FUBP3: variants seen among roughly 807,000 people sequenced by gnomAD.
FUBP3 encodes far upstream element binding protein 3.
In FUBP3, 28 loss-of-function variants were observed where a neutral mutation model predicts 85.6. That is an observed-to-expected ratio of 0.33 (90% CI 0.24 to 0.45). The LOEUF is 0.45. FUBP3 is among the 20% of genes least tolerant of loss of function. FUBP3 has a pLI of 1.00. For synonymous variants in FUBP3, 271 were observed against 271.4 expected, an observed-to-expected ratio of 1.00 and a Z score of 0.01; for missense variants, 583 against 755.1, an observed-to-expected ratio of 0.77 and a Z score of 2.67.
chr9:130,608,176 A>G (rs567074782), intron 2 of FUBP3, among the ~76,000 whole-genome samples: 3 of 152,242 alleles, frequency 2.0e-5, no homozygotes, highest in South Asian at 2.1e-4. Flanking sequence ...GCCCTTTGAC[A>G]TCCTTTACCA....
In FUBP3 at chr9:130,619,091, G is replaced by A. The variant is rs148764073; in HGVS notation, c.666+1196G>A. On this transcript the variant is annotated intron_variant, in intron 8 of 18. Coordinates refer to ENST00000319725, the MANE Select transcript of FUBP3 (RefSeq NM_003934.2). Reference sequence around the variant, plus strand: ...CCGTGGGCTCCAGTACTGTGATGGTGTTGGATCCAGGCCTGTGGGCGGCCA... The same window carrying A: ...CCGTGGGCTCCAGTACTGTGATGGTATTGGATCCAGGCCTGTGGGCGGCCA... Among the ~76,000 whole-genome samples, 501 of 152,336 alleles carry A rather than the reference G, an allele frequency of 3.3e-3. 2 individuals carry two copies. Among genetic ancestry groups the A allele is most frequent in the African/African-American group, 0.011 (476 of 41,586 alleles).
rs137970644 is a variant in FUBP3, at chr9:130,596,378, T to A, written c.190+790T>A. On this transcript the variant is annotated intron_variant, in intron 2 of 18. Transcript: ENST00000319725. ...TTTATGTTTGTACATATTTCTGTGA[T>A]GTATTATTATGTGAAAAATGAAGAT... Among the ~76,000 whole-genome samples, 5 of 152,342 alleles carry A rather than the reference T, an allele frequency of 3.3e-5. No homozygotes were observed. In the East Asian group the frequency reaches 9.6e-4, roughly 29 times the overall value.
chr9:130,584,061 A>G (rs1830241638), intron 1 of FUBP3, among the ~76,000 whole-genome samples: 1 of 152,066 alleles, frequency 6.6e-6, no homozygotes, highest in Admixed American at 6.5e-5. Context: ...TTAAAATCTG[A>G]TAGCCCATGT....
At chr9:130,636,357 C>T in intron 18 of FUBP3, 1 of 632,512 alleles carries the variant, frequency 1.6e-6, no homozygotes, top group East Asian at 2.8e-5. Context: ...GGGCGCAGCC[C>T]CTACAAGGAA....
chr9:130,615,691 G>A (rs932885819), intron 6 of FUBP3, among the ~76,000 whole-genome samples: 43 of 152,176 alleles, frequency 2.8e-4, no homozygotes, highest in East Asian at 1.9e-4. Flanking sequence ...CACGTGACAC[G>A]CAGGGTCCCA....
In FUBP3 at chr9:130,616,350, C is replaced by T. The variant is rs2119081116; in HGVS notation, c.405-5C>T. 6.2e-7 allele frequency: 1 copy of T among 1,613,918 alleles called. No homozygotes were observed. Among genetic ancestry groups the T allele is most frequent in the East Asian group, 2.2e-5 (1 of 44,870 alleles). Reference sequence around the variant, plus strand: ...GTTCTCTTGTGGTTCTTTTCCCTCCCAAAGACAAGCCAAACGGCTCCTGGG... The same window carrying T: ...GTTCTCTTGTGGTTCTTTTCCCTCCTAAAGACAAGCCAAACGGCTCCTGGG... On this transcript the variant is annotated splice_region_variant and splice_polypyrimidine_tract_variant and intron_variant, in intron 6 of 18. Coordinates refer to ENST00000319725, the MANE Select transcript of FUBP3 (RefSeq NM_003934.2). This position sits in a 1 kb window ranked among gnomAD's most constrained non-coding sequence, Gnocchi z 4.7.
chr9:130,599,328 T>TAC (rs1283902910), intron 2 of FUBP3, among the ~76,000 whole-genome samples: 7 of 143,882 alleles, frequency 4.9e-5, no homozygotes, highest in Non-Finnish European at 8.9e-5. Context: ...TACACATATA[T>TAC]ACACACATAT....
At position 130,637,196 on chromosome 9, in the gene FUBP3, A is replaced by G; in HGVS notation, c.*174A>G. On this transcript the variant is annotated 3_prime_UTR_variant, in exon 19 of 19. Transcript: ENST00000319725. ...AAAAATCAGGAAAATTAGTTACTAAAAATTGCTGATCATTTTTGTTTCATT... is the reference window on the plus strand; with the variant it reads ...AAAAATCAGGAAAATTAGTTACTAAGAATTGCTGATCATTTTTGTTTCATT... 1.6e-6 allele frequency: 1 copy of G among 619,070 alleles called. No individual in the cohort carries two copies. Among genetic ancestry groups the G allele is most frequent in the East Asian group, 2.8e-5 (1 of 36,204 alleles). 38.3% of individuals were successfully genotyped at this position (619,070 alleles called of 1,614,324 possible). A position where few individuals can be genotyped will look rare whatever the true frequency, so the allele number is the denominator to read the frequency against.
At chr9:130,615,579 A>T (rs1347353545) in intron 6 of FUBP3, among the ~76,000 whole-genome samples, 1 of 152,214 alleles carries the variant, frequency 6.6e-6, no homozygotes, top group African/African-American at 2.4e-5. Flanking sequence ...GGTGCAGAAA[A>T]GGAAATTGGC....
At chr9:130,589,705 A>ATATTTTTTTTT (rs1414691549) in intron 1 of FUBP3, among the ~76,000 whole-genome samples, 2 of 73,836 alleles carry the variant, frequency 2.7e-5, no homozygotes, top group African/African-American at 1.5e-4. Context: ...ATATATATAT[A>ATATTTTTTTTT]TTTTTTTTTT....
intron 1 of FUBP3, among the ~76,000 whole-genome samples, chr9:130,591,753 A>G (rs1241717059): frequency 6.6e-6 from 1 of 152,216 alleles, no homozygotes; most frequent in Non-Finnish European, 1.5e-5. Flanking sequence ...GCATGAATTA[A>G]GAAGAAACCT....
In FUBP3 at chr9:130,616,770, T is replaced by C. The variant is rs1290828542; in HGVS notation, c.567+253T>C. Among the ~76,000 whole-genome samples the C allele has an allele frequency of 2.0e-5, 3 of 152,238 alleles. No individual in the cohort carries two copies. The highest frequency in any genetic ancestry group is 7.2e-5 in the African/African-American group (3 of 41,468). ...GCCCCAGTGAACTTTGAGCAGCCTTTTTGGCAGTGAGCTCTGTGAGGGCTG... is the reference window on the plus strand; with the variant it reads ...GCCCCAGTGAACTTTGAGCAGCCTTCTTGGCAGTGAGCTCTGTGAGGGCTG... On this transcript the variant is annotated intron_variant, in intron 7 of 18. Coordinates refer to ENST00000319725, the MANE Select transcript of FUBP3 (RefSeq NM_003934.2). This position sits in a 1 kb window ranked among gnomAD's most constrained non-coding sequence, Gnocchi z 4.7.
chr9:130,587,888 C>T (rs10793941), intron 1 of FUBP3, among the ~76,000 whole-genome samples: 107,361 of 152,066 alleles, frequency 0.71, 39,084 homozygotes, highest in East Asian at 0.93. Context: ...GTAAGGTGAT[C>T]TGCTAACACA....
chr9:130,609,432 G>C (rs111385202), intron 2 of FUBP3, among the ~76,000 whole-genome samples: 1 of 141,640 alleles, frequency 7.1e-6, no homozygotes, highest in Admixed American at 7.4e-5. Flanking sequence ...GATGCTTATG[G>C]TCTTGGGGGT....
At position 130,618,312 on chromosome 9, in the gene FUBP3, G is replaced by A. The variant is rs1832114321; in HGVS notation, c.666+417G>A. ...GGTGCAGTTTTGATTTGCTGACCTG[G>A]GGTCAGCTGAGATACAGGCTCTGCT... On this transcript the variant is annotated intron_variant, in intron 8 of 18. Coordinates refer to ENST00000319725, the MANE Select transcript of FUBP3 (RefSeq NM_003934.2). Among the ~76,000 whole-genome samples the A allele has an allele frequency of 2.0e-5, 3 of 152,168 alleles. No individual in the cohort carries two copies. The South Asian group carries it at 6.2e-4, about 32-fold the overall frequency.
At chr9:130,606,767 C>G (rs949969237) in intron 2 of FUBP3, among the ~76,000 whole-genome samples, 3 of 151,966 alleles carry the variant, frequency 2.0e-5, no homozygotes, top group African/African-American at 7.3e-5. Flanking sequence ...TTGTGGTAAG[C>G]CGAGATCACG....
At chr9:130,589,675 G>GTGTGTGTGTA (rs869282275) in intron 1 of FUBP3, among the ~76,000 whole-genome samples, 5 of 34,292 alleles carry the variant, frequency 1.5e-4, no homozygotes, top group African/African-American at 6.7e-4. Flanking sequence ...GTATGTGTGT[G>GTGTGTGTGTA]TATATATATA....
At chr9:130,611,456 G>A (rs924732665) in intron 3 of FUBP3, among the ~76,000 whole-genome samples, 5 of 152,188 alleles carry the variant, frequency 3.3e-5, no homozygotes, top group Non-Finnish European at 7.3e-5. Context: ...TCATAAGCTT[G>A]AGGGTGTAAA....
intron 1 of FUBP3, 64 bp downstream of exon 1, chr9:130,579,828 A>T: frequency 1.3e-5 from 12 of 892,138 alleles, no homozygotes; most frequent in Non-Finnish European, 1.6e-5. Context: ...GGCGGGGAAG[A>T]GGGGTTCGGG....
Sources: allele counts gnomAD v4.1 joint callset (sites outside exome capture counted in the v4.1 genomes callset), GRCh38; gene constraint gnomAD v4.1.1; non-coding constraint Gnocchi (gnomAD v3.1); transcripts MANE v1.5; gene names NCBI Gene and HGNC (gene_info 2026-07-23, HGNC 2026-07-21).